The following ACTR10 variants were observed in gnomAD, a reference collection of about 807,000 sequenced individuals.
ACTR10 encodes the protein actin related protein 10, also known as actin-related protein 10.
In ACTR10, 43 loss-of-function variants were observed where a neutral mutation model predicts 56.2. The observed-to-expected ratio is 0.77, with a 90% CI of 0.60 to 0.99. The LOEUF (loss-of-function observed/expected upper bound fraction) is 0.99. Ranked by LOEUF, ACTR10 falls within the 50% of genes least tolerant of loss-of-function variation. The pLI is 0.00. For synonymous variants in ACTR10, 170 were observed against 176.3 expected (o/e 0.96, Z 0.28); for missense variants, 466 against 507.8 (o/e 0.92, Z 0.79).
At chr14:58,211,669 G>A (rs1165709092) in intron 5 of ACTR10, among the ~76,000 whole-genome samples, 1 of 152,100 alleles carries the variant, frequency 6.6e-6, no homozygotes, top group Non-Finnish European at 1.5e-5. Flanking sequence ...GATGTGTCAA[G>A]TTGACTAGAA....
At chr14:58,205,011 A>G (rs1443760063) in intron 2 of ACTR10, among the ~76,000 whole-genome samples, 1 of 152,096 alleles carries the variant, frequency 6.6e-6, no homozygotes, top group Non-Finnish European at 1.5e-5. Flanking sequence ...ACCTGAGGTC[A>G]GGAGTTCCAG....
intron 10 of ACTR10, among the ~76,000 whole-genome samples, chr14:58,230,115 G>A (rs1255761549): frequency 1.3e-5 from 2 of 149,068 alleles, no homozygotes; most frequent in Non-Finnish European, 3.0e-5. Flanking sequence ...CAAAATAAAT[G>A]TAAATCTATA....
chr14:58,208,410 C>T (rs1258211996), intron 3 of ACTR10, among the ~76,000 whole-genome samples: 1 of 151,744 alleles, frequency 6.6e-6, no homozygotes, highest in Non-Finnish European at 1.5e-5. Context: ...TAAAACATAC[C>T]CCCATACATC....
Position 58,223,798 on chromosome 14 carries a change from C to A in ACTR10, c.730C>A (p.Pro244Thr). The stretch of plus-strand genomic sequence containing the variant: ...TATATTTCAGCGTCCCTCCCCACCC[C>A]CAAATGTTGACTATCCATTAGATGG... ...DGNNERPSPP[P>T]NVDYPLDGEK... Residue 244 changes from proline to threonine, a missense_variant, in exon 10 of 13, where the codon CCA (proline) becomes ACA (threonine). Physicochemically the swap from Pro to Thr is conservative, Grantham distance 38. Transcript: ENST00000254286. The A allele has an allele frequency of 6.2e-7, 1 of 1,613,206 alleles. No homozygotes were observed. The highest frequency in any genetic ancestry group is 8.5e-7 in the Non-Finnish European group (1 of 1,179,334).
intron 10 of ACTR10, 83 bp from the exon 11 acceptor site, chr14:58,230,316 T>C (rs1889498910): frequency 3.0e-6 from 2 of 667,390 alleles, no homozygotes; most frequent in Non-Finnish European, 4.9e-6. Context: ...AAAAATACTA[T>C]GTAAATGGAA....
intron 10 of ACTR10, among the ~76,000 whole-genome samples, chr14:58,225,536 A>T (rs944170415): frequency 6.6e-6 from 1 of 152,188 alleles, no homozygotes; most frequent in African/African-American, 2.4e-5. Context: ...GTAGCAAAAG[A>T]GTAAGAATGT....
rs1224024695 is a variant in ACTR10 at position 58,223,879 on chromosome 14, C to G, written c.788+23C>G. On this transcript the variant is annotated intron_variant, in intron 10 of 12. Coordinates refer to ENST00000254286, the MANE Select transcript of ACTR10 (RefSeq NM_018477.3). ...CAGGTTAGATCTTAAATTTTTACGG[C>G]AAAGTAGTAAACTAAAATAAACTTT... 4 of 1,560,278 alleles carry G rather than the reference C, an allele frequency of 2.6e-6. No homozygotes were observed. In the African/African-American group the frequency reaches 5.5e-5, roughly 21 times the overall value.
At chr14:58,213,580 G>T in intron 5 of ACTR10, 51 bp from the exon 6 acceptor site, 1 of 1,333,486 alleles carries the variant, frequency 7.5e-7, no homozygotes, top group Middle Eastern at 1.9e-4. Context: ...AAAATATCAA[G>T]GAAACCACAT....
chr14:58,201,490 A>G (rs2140038979), intron 1 of ACTR10, among the ~76,000 whole-genome samples: 1 of 152,342 alleles, frequency 6.6e-6, no homozygotes, highest in African/African-American at 2.4e-5. Flanking sequence ...TTTGAGGAGC[A>G]CTGATGCAAG....
intron 2 of ACTR10, among the ~76,000 whole-genome samples, chr14:58,204,117 C>T (rs920201200): frequency 2.0e-5 from 3 of 151,738 alleles, no homozygotes; most frequent in African/African-American, 7.3e-5. Context: ...GGGCAGATTA[C>T]ACGCCTGTAA....
chr14:58,200,903 T>A (rs1888689448), intron 1 of ACTR10, among the ~76,000 whole-genome samples: 2 of 152,186 alleles, frequency 1.3e-5, no homozygotes, highest in Admixed American at 6.5e-5. Context: ...TCTCAACCTT[T>A]CGGATGGCAT....
At chr14:58,200,601 G>C (rs1478698189) in intron 1 of ACTR10, among the ~76,000 whole-genome samples, 1 of 152,170 alleles carries the variant, frequency 6.6e-6, no homozygotes, top group Non-Finnish European at 1.5e-5. Flanking sequence ...TGACAACCGT[G>C]ACCTAGACCC....
At position 58,234,472 on chromosome 14, in the gene ACTR10, A is replaced by G. The variant is rs1889625217; in HGVS notation, c.1175A>G (p.Asn392Ser). ...GRIPDWCSLN[N>S]PPLEMMFDVG... ...ATACCTGATTGGTGTTCTCTCAATA[A>G]CCCACCTTTGGAAATGATGTTTGAT... The change falls in exon 13 of 13, where the codon AAC becomes AGC. Residue 392 changes from asparagine to serine, a missense_variant. Transcript: ENST00000254286. The G allele has an allele frequency of 6.2e-7, 1 of 1,613,510 alleles. No homozygotes were observed. The highest frequency in any genetic ancestry group is 1.1e-5 in the South Asian group (1 of 91,024).
chr14:58,233,452 G>A (rs1414726007), intron 12 of ACTR10, among the ~76,000 whole-genome samples: 2 of 152,088 alleles, frequency 1.3e-5, no homozygotes, highest in African/African-American at 2.4e-5. Context: ...GACAAACCAT[G>A]TAGCCTAGAA....
rs1371740663 is a variant in ACTR10, at chr14:58,200,228, A to G, written c.11A>G (p.Tyr4Cys). The stretch of plus-strand genomic sequence containing the variant: ...GTCTGCCTTACTACCATGCCGCTCT[A>G]CGAGGGCCTGGGGAGCGGCGGGGAG... MPL[Y>C]EGLGSGGEKT... Residue 4 changes from tyrosine (Y) to cysteine (C), a missense_variant, in exon 1 of 13, where the codon TAC (tyrosine) becomes TGC (cysteine). By Grantham distance (194) the Tyr-to-Cys change is radical. Transcript: ENST00000254286. The G allele has an allele frequency of 2.6e-6, 4 of 1,533,400 alleles. No homozygotes were observed. Among genetic ancestry groups the G allele is most frequent in the African/African-American group, 1.4e-5 (1 of 69,840 alleles). The allele number at this position is 1,533,400 out of a possible 1,614,324, so 95.0% of individuals were successfully genotyped here.
At position 58,230,380 on chromosome 14, in the gene ACTR10, C is replaced by G. The variant is rs754424103; in HGVS notation, c.789-19C>G. 5 of 1,492,910 alleles carry G rather than the reference C, an allele frequency of 3.3e-6. No individual in the cohort carries two copies. In the African/African-American group the frequency reaches 5.7e-5, roughly 17 times the overall value. 92.5% of individuals were successfully genotyped at this position (1,492,910 alleles called of 1,614,324 possible). ...ATACGTGACACCAACAGAAAGCTCT[C>G]TTTTTCAAATCCCATTAGAGATTCA... is the stretch of plus-strand genomic sequence containing the variant. On this transcript the variant is annotated intron_variant, in intron 10 of 12. Coordinates refer to ENST00000254286, the MANE Select transcript of ACTR10 (RefSeq NM_018477.3).
chr14:58,216,733 A>G (rs1889143561), intron 7 of ACTR10, among the ~76,000 whole-genome samples: 1 of 152,156 alleles, frequency 6.6e-6, no homozygotes, highest in African/African-American at 2.4e-5. Flanking sequence ...TGCATGACTC[A>G]GCTGGAATGT....
chr14:58,219,099 C>T (rs1361441099), intron 7 of ACTR10, among the ~76,000 whole-genome samples: 2 of 152,146 alleles, frequency 1.3e-5, no homozygotes, highest in African/African-American at 2.4e-5. Flanking sequence ...GGATTACAGG[C>T]GTGAGCCACT....
rs1357771259 is a variant in ACTR10 at position 58,215,288 on chromosome 14, A to G, written c.598+4A>G. On this transcript the variant is annotated splice_donor_region_variant and intron_variant, in intron 7 of 12. Transcript: ENST00000254286. ...CAGAGCCTTCCCTCAGTGATGGGTA[A>G]ATTCATTTTAAGTGGTTTAGGAGTG... 5 of 1,596,928 alleles carry G rather than the reference A, an allele frequency of 3.1e-6. No individual in the cohort carries two copies. The highest frequency in any genetic ancestry group is 1.1e-5 in the South Asian group (1 of 89,614).
Sources: gnomAD v4.1 joint callset for allele counts (sites outside exome capture counted in the v4.1 genomes callset) on GRCh38, gnomAD v4.1.1 for gene constraint, MANE v1.5 for transcripts, NCBI Gene and HGNC (gene_info 2026-07-23, HGNC 2026-07-21) for gene names.